Variants in FOXP2 observed in about 807,000 individuals in gnomAD.
The protein encoded by FOXP2 is forkhead box P2.
In FOXP2, 12 loss-of-function variants were observed where a neutral mutation model predicts 115.8. The observed-to-expected ratio is 0.10, with a 90% confidence interval of 0.07 to 0.17. The LOEUF (loss-of-function observed/expected upper bound fraction) is 0.17. Ranked by LOEUF, FOXP2 falls within the 10% of genes least tolerant of loss-of-function variation. The pLI is 1.00. For synonymous variants in FOXP2, 328 were observed against 297.7 expected, an observed-to-expected ratio of 1.10 and a Z score of -1.05; for missense variants, 629 against 843.5, an observed-to-expected ratio of 0.75 and a Z score of 3.15.
At chr7:114,269,381 A>G (rs190767545) in intron 1 of FOXP2, among the ~76,000 whole-genome samples, 6 of 152,294 alleles carry the variant, frequency 3.9e-5, no homozygotes, top group Admixed American at 3.9e-4. Context: ...TAGTTTAAGG[A>G]GCTCTTTTCC....
At chr7:114,684,523 T>A (rs1808257231) in intron 16 of FOXP2, among the ~76,000 whole-genome samples, 1 of 152,218 alleles carries the variant, frequency 6.6e-6, no homozygotes, top group Non-Finnish European at 1.5e-5. Context: ...ACTCAATATC[T>A]ATTTAGAAAT....
chr7:114,292,673 C>T (rs75094217), intron 2 of FOXP2, among the ~76,000 whole-genome samples: 2,453 of 152,080 alleles, frequency 0.016, 30 homozygotes, highest in African/African-American at 0.03. Flanking sequence ...TTTTAGCTAG[C>T]CTAGGACTTT....
chr7:114,528,698 G>A (rs942062829), intron 2 of FOXP2, among the ~76,000 whole-genome samples: 1 of 151,686 alleles, frequency 6.6e-6, no homozygotes, highest in South Asian at 2.1e-4. Context: ...CTGATATACT[G>A]GTTGAAATCA....
At chr7:114,554,124 AT>A (rs1015073318) in intron 3 of FOXP2, among the ~76,000 whole-genome samples, 1 of 152,130 alleles carries the variant, frequency 6.6e-6, no homozygotes, top group African/African-American at 2.4e-5. Context: ...TATTAACCAA[AT>A]TTTAAATATG....
intron 1 of FOXP2, among the ~76,000 whole-genome samples, chr7:114,186,656 A>G (rs897955405): frequency 1.2e-4 from 19 of 152,106 alleles, no homozygotes; most frequent in African/African-American, 4.3e-4. Context: ...AGTTCTGCAG[A>G]TGGCCTCATC....
chr7:114,350,047 C>G (rs969206062), intron 2 of FOXP2, among the ~76,000 whole-genome samples: 1 of 151,970 alleles, frequency 6.6e-6, no homozygotes, highest in Non-Finnish European at 1.5e-5. Flanking sequence ...TAACAAGAAG[C>G]AAAGAGTCTG....
Position 114,628,598 on chromosome 7 carries a change from A to C in FOXP2, c.317A>C (p.Gln106Pro). 6.2e-7 allele frequency: 1 copy of C among 1,614,126 alleles called. No homozygotes were observed. Among genetic ancestry groups the C allele is most frequent in the South Asian group, 1.1e-5 (1 of 91,088 alleles). Residue 106 changes from glutamine to proline, a missense_variant, in exon 4 of 17, where the codon CAG becomes CCG. Gln to Pro is a moderately conservative substitution (Grantham distance 76, BLOSUM62 -1). Transcript: ENST00000350908. ...GTGATCACCCCTCAGCAAATGCAGCAGATCCTTCAGCAACAAGTCCTGTCT... is the reference window on the plus strand; with the variant it reads ...GTGATCACCCCTCAGCAAATGCAGCCGATCCTTCAGCAACAAGTCCTGTCT... Reference protein sequence around the residue: ...PQVITPQQMQQILQQQVLSPQ... With the variant: ...PQVITPQQMQPILQQQVLSPQ...
chr7:114,634,957 A>C (rs545315766), intron 6 of FOXP2, among the ~76,000 whole-genome samples: 1 of 152,126 alleles, frequency 6.6e-6, no homozygotes, highest in African/African-American at 2.4e-5. Flanking sequence ...AAGTTTTTAC[A>C]TATTTTTTAA....
intron 2 of FOXP2, among the ~76,000 whole-genome samples, chr7:114,333,697 G>T (rs962243523): frequency 6.6e-6 from 1 of 152,118 alleles, no homozygotes; most frequent in African/African-American, 2.4e-5. Flanking sequence ...GACCAGCTTG[G>T]CCAACATGGT....
At chr7:114,331,218 A>G (rs1448347635) in intron 2 of FOXP2, among the ~76,000 whole-genome samples, 1 of 152,198 alleles carries the variant, frequency 6.6e-6, no homozygotes, top group Non-Finnish European at 1.5e-5. Flanking sequence ...GTTCATTTGA[A>G]TTACAATTTA....
At chr7:114,155,277 G>A (rs988534491) in intron 1 of FOXP2, among the ~76,000 whole-genome samples, 7 of 152,006 alleles carry the variant, frequency 4.6e-5, no homozygotes, top group South Asian at 2.1e-4. Flanking sequence ...GATCAGACAT[G>A]CCTCATTATA....
At position 114,501,731 on chromosome 7, in the gene FOXP2, T is replaced by G. The variant is rs558736148; in HGVS notation, c.169-32886T>G. Among the ~76,000 whole-genome samples, 133 of 152,246 alleles carry G rather than the reference T, an allele frequency of 8.7e-4. 1 individual carries two copies. The highest frequency in any genetic ancestry group is 3.4e-3 in the Middle Eastern group (1 of 294). On this transcript the variant is annotated intron_variant, in intron 2 of 16. Coordinates refer to ENST00000350908, the MANE Select transcript of FOXP2 (RefSeq NM_014491.4). Reference sequence around the variant, plus strand: ...TTATCTTAACTATATTTTCCAATATTTTAGTAATACACAATCTCTGCTTTT... The same window carrying G: ...TTATCTTAACTATATTTTCCAATATGTTAGTAATACACAATCTCTGCTTTT...
intron 3 of FOXP2, among the ~76,000 whole-genome samples, chr7:114,535,398 T>G (rs946065209): frequency 5.3e-5 from 8 of 151,774 alleles, no homozygotes; most frequent in African/African-American, 1.9e-4. Context: ...AATTCTGGAA[T>G]TGCATAAAAC....
At chr7:114,309,342 G>A (rs952096256) in intron 2 of FOXP2, among the ~76,000 whole-genome samples, 6 of 152,256 alleles carry the variant, frequency 3.9e-5, no homozygotes, top group Middle Eastern at 3.4e-3. Flanking sequence ...ATCACCGTAC[G>A]AAGTGTGGCT....
chr7:114,301,768 G>T (rs1796884821), intron 2 of FOXP2, among the ~76,000 whole-genome samples: 1 of 152,102 alleles, frequency 6.6e-6, no homozygotes, highest in Non-Finnish European at 1.5e-5. Context: ...AAGAATGTTT[G>T]TTTAGAAAGA....
chr7:114,554,417 G>A (rs891091450), intron 3 of FOXP2, among the ~76,000 whole-genome samples: 2 of 152,120 alleles, frequency 1.3e-5, no homozygotes, highest in Admixed American at 1.3e-4. Context: ...TTATTCTTCA[G>A]AGCAGCTATT....
At chr7:114,524,683 A>T (rs1798780744) in intron 2 of FOXP2, among the ~76,000 whole-genome samples, 1 of 151,808 alleles carries the variant, frequency 6.6e-6, no homozygotes, top group Admixed American at 6.6e-5. Flanking sequence ...TTAATCATTA[A>T]TTTTTCTTTT....
At chr7:114,570,118 C>A (rs544290157) in intron 3 of FOXP2, among the ~76,000 whole-genome samples, 74 of 151,836 alleles carry the variant, frequency 4.9e-4, no homozygotes, top group Non-Finnish European at 9.3e-4. Flanking sequence ...CATTCCATGT[C>A]ATTTATCAAT....
At chr7:114,262,137 C>T (rs954878055) in intron 1 of FOXP2, among the ~76,000 whole-genome samples, 1 of 151,526 alleles carries the variant, frequency 6.6e-6, no homozygotes, top group African/African-American at 2.4e-5. Flanking sequence ...GAAATATTTA[C>T]TATCATCTGG....
Sources: allele counts gnomAD v4.1 joint callset (sites outside exome capture counted in the v4.1 genomes callset), GRCh38; gene constraint gnomAD v4.1.1; transcripts MANE v1.5; gene names NCBI Gene and HGNC (gene_info 2026-07-23, HGNC 2026-07-21).